WDR97: variants seen among roughly 807,000 people sequenced by gnomAD.
WDR97 encodes WD repeat domain 97.
In WDR97, 111 loss-of-function variants were observed where a neutral mutation model predicts 65.4. That is an observed-to-expected ratio of 1.70 (90% confidence interval 1.45 to 1.99). The LOEUF is 1.99. WDR97 is among the 30% of genes most tolerant of loss of function. The pLI, the probability that WDR97 is intolerant of heterozygous loss-of-function variation, is 0.00. For missense variants in WDR97, 1,674 were observed against 865.0 expected (o/e 1.94, Z -11.73); for synonymous variants, 802 against 397.7 (o/e 2.02, Z -12.10).
Position 144,114,557 on chromosome 8 carries a change from C to A in WDR97, c.3796C>A (p.Gln1266Lys). The change falls in exon 20 of 24, where the codon CAG becomes AAG. Residue 1266 changes from glutamine (Q) to lysine (K), a missense_variant. Coordinates refer to ENST00000323662, the MANE Select transcript of WDR97 (RefSeq NM_001316309.2). The stretch of plus-strand genomic sequence containing the variant: ...ACATCCCCACCGCCTGCCTCAGGAC[C>A]AGACACAGAAGAAGTTCGTGATACT... ...NLDQPPSLQD[Q>K]TQKKFVILAL... 1 of 702,910 alleles carries A rather than the reference C, an allele frequency of 1.4e-6. No individual in the cohort carries two copies. Among genetic ancestry groups the A allele is most frequent in the Non-Finnish European group, 2.6e-6 (1 of 385,024 alleles). The allele number at this position is 702,910 out of a possible 1,614,324, so 43.5% of individuals were successfully genotyped here.
rs558031486 is a variant in WDR97 at position 144,111,194 on chromosome 8, A to G, written c.2398A>G (p.Thr800Ala). 1.4e-6 allele frequency: 1 copy of G among 702,662 alleles called. No individual in the cohort carries two copies. Among genetic ancestry groups the G allele is most frequent in the South Asian group, 1.5e-5 (1 of 67,604 alleles). The allele number at this position is 702,662 out of a possible 1,614,324, so 43.5% of individuals were successfully genotyped here. The change falls in exon 10 of 24, where the codon ACC (threonine) becomes GCC (alanine). Residue 800 changes from threonine to alanine, a missense_variant. Transcript: ENST00000323662. The stretch of plus-strand genomic sequence containing the variant: ...GACTTCCGCCCAACTGCAGAGGCTC[A>G]CCAACCTCCATGGGGCAGCCAGCCT... Reference protein sequence around the residue: ...SLTSAQLQRLTNLHGAASLSE... With the variant: ...SLTSAQLQRLANLHGAASLSE...
Position 144,108,568 on chromosome 8 carries a change from G to A in WDR97, c.502G>A (p.Gly168Ser). The A allele has an allele frequency of 1.4e-6, 1 of 700,920 alleles. No individual in the cohort carries two copies. Among genetic ancestry groups the A allele is most frequent in the East Asian group, 2.7e-5 (1 of 37,258 alleles). 43.4% of individuals were successfully genotyped at this position (700,920 alleles called of 1,614,324 possible). A position where few individuals can be genotyped will look rare whatever the true frequency, so the allele number is the denominator to read the frequency against. ...GCTGGGTGCCGTGGGCCGTTTTGTA[G>A]GCTGGGGCCCCGCGGGGCTGGCAAT... ...GPLGAVGRFVGWGPAGLAILR... is the reference protein window; with the variant it reads ...GPLGAVGRFVSWGPAGLAILR... Residue 168 changes from glycine (G) to serine (S), a missense_variant, in exon 3 of 24, where the codon GGC becomes AGC. Physicochemically the swap from Gly to Ser is moderately conservative, Grantham distance 56. Coordinates refer to ENST00000323662, the MANE Select transcript of WDR97 (RefSeq NM_001316309.2).
In WDR97 at chr8:144,109,810, G is replaced by T; in HGVS notation, c.1476G>T (p.Leu492=). 1.5e-6 allele frequency: 1 copy of T among 679,148 alleles called. No homozygotes were observed. The highest frequency in any genetic ancestry group is 1.5e-5 in the South Asian group (1 of 64,696). The allele number at this position is 679,148 out of a possible 1,614,324, so 42.1% of individuals were successfully genotyped here. The change falls in exon 5 of 24, where the codon CTG becomes CTT. Residue 492 remains leucine, a synonymous_variant. Transcript: ENST00000323662. Reference sequence around the variant, plus strand: ...TGCCGCGCGAGGCGCTGTGGCTGCTGACCAGGGCTGGGCACCTGGTCCGCG... The same window carrying T: ...TGCCGCGCGAGGCGCTGTGGCTGCTTACCAGGGCTGGGCACCTGGTCCGCG... The part of the protein sequence containing the change: ...YCLPREALWL[L]TRAGHLVRAN...
chr8:144,112,803 G>T (rs555424633), intron 15 of WDR97: 1 of 541,704 alleles, frequency 1.8e-6, no homozygotes, highest in Non-Finnish European at 3.3e-6. Flanking sequence ...CCCCCCAGCC[G>T]GTTATGCCAC....
rs1280665607 is a variant in WDR97 at position 144,114,458 on chromosome 8, C to T, written c.3775C>T (p.Gln1259Ter). Residue 1259 changes from glutamine to a stop codon, truncating the protein, a stop_gained, in exon 19 of 24, where the codon CAG becomes TAG. Transcript: ENST00000323662. LOFTEE classifies it high-confidence loss of function. The stretch of plus-strand genomic sequence containing the variant: ...GCTCGTACACTTGCTCAACCTGGAC[C>T]AGCCCCCCAGCCTCCAGGTGTGCCC... ...GLLVHLLNLD[Q>*]PPSLQDQTQK... 1.4e-6 allele frequency: 1 copy of T among 702,644 alleles called. No individual in the cohort carries two copies. 43.5% of individuals were successfully genotyped at this position (702,644 alleles called of 1,614,324 possible).
Position 144,110,042 on chromosome 8 carries a change from C to T in WDR97, c.1700+8C>T. 1 of 695,784 alleles carries T rather than the reference C, an allele frequency of 1.4e-6. No individual in the cohort carries two copies. Among genetic ancestry groups the T allele is most frequent in the Non-Finnish European group, 2.6e-6 (1 of 380,248 alleles). The allele number at this position is 695,784 out of a possible 1,614,324, so 43.1% of individuals were successfully genotyped here. Reference sequence around the variant, plus strand: ...CTGGAAGAACAAGAACCGGTGGGTGCGGGAGCCGGCGAGGGTCTGGCGGGC... The same window carrying T: ...CTGGAAGAACAAGAACCGGTGGGTGTGGGAGCCGGCGAGGGTCTGGCGGGC... On this transcript the variant is annotated splice_region_variant and intron_variant, in intron 5 of 23. Coordinates refer to ENST00000323662, the MANE Select transcript of WDR97 (RefSeq NM_001316309.2).
Position 144,109,919 on chromosome 8 carries a change from C to A in WDR97, c.1585C>A (p.Leu529Met), listed in dbSNP as rs1171195789. The A allele has an allele frequency of 1.4e-6, 1 of 702,108 alleles. No homozygotes were observed. Among genetic ancestry groups the A allele is most frequent in the East Asian group, 2.7e-5 (1 of 37,258 alleles). The allele number at this position is 702,108 out of a possible 1,614,324, so 43.5% of individuals were successfully genotyped here. A position where few individuals can be genotyped will look rare whatever the true frequency, so the allele number is the denominator to read the frequency against. ...TGCGCCGCAGCCTTGCTGTCTGCACCTGTACAGCCACCTCACGGATCTCGA... is the reference window on the plus strand; with the variant it reads ...TGCGCCGCAGCCTTGCTGTCTGCACATGTACAGCCACCTCACGGATCTCGA... ...PPAPQPCCLH[L>M]YSHLTDLEGA... Residue 529 changes from leucine to methionine, a missense_variant, in exon 5 of 24, where the codon CTG (leucine) becomes ATG (methionine). Transcript: ENST00000323662.
In WDR97 at chr8:144,108,944, C is replaced by T. The variant is rs993881873; in HGVS notation, c.878C>T (p.Thr293Ile). 5.7e-6 allele frequency: 4 copies of T among 702,896 alleles called. No homozygotes were observed. Among genetic ancestry groups the T allele is most frequent in the Non-Finnish European group, 1.0e-5 (4 of 385,008 alleles). 43.5% of individuals were successfully genotyped at this position (702,896 alleles called of 1,614,324 possible). ...LVDVRRDLHK[T>I]TISDLAYCEE... ...GATGTGCGCCGGGATTTGCACAAAA[C>T]GTGAGGGGGATCCCCCTAGGGAGGG... The change falls in exon 3 of 24, where the codon ACC becomes ATC. Residue 293 changes from threonine (T) to isoleucine (I), a missense_variant and splice_region_variant. Transcript: ENST00000323662.
chr8:144,110,213 G>T lies in WDR97; in HGVS notation c.1800G>T (p.Pro600=). The change falls in exon 6 of 24, where the codon CCG becomes CCT. Residue 600 remains proline (P), a synonymous_variant. Coordinates refer to ENST00000323662, the MANE Select transcript of WDR97 (RefSeq NM_001316309.2). ...VFQTEAHSPG[P]VVAIASTWNS... is the part of the protein sequence containing the mutation. ...AAACGGAGGCGCACAGCCCGGGCCC[G>T]GTTGTCGCCATCGCATCCACCTGGA... The T allele has an allele frequency of 1.4e-6, 1 of 702,928 alleles. No individual in the cohort carries two copies. Among genetic ancestry groups the T allele is most frequent in the Admixed American group, 2.0e-5 (1 of 50,022 alleles). 43.5% of individuals were successfully genotyped at this position (702,928 alleles called of 1,614,324 possible).
rs1461415740 is a variant in WDR97, at chr8:144,113,962, C to T, written c.3409-15C>T. 4.3e-6 allele frequency: 3 copies of T among 700,262 alleles called. No homozygotes were observed. Among genetic ancestry groups the T allele is most frequent in the Non-Finnish European group, 7.8e-6 (3 of 383,318 alleles). The allele number at this position is 700,262 out of a possible 1,614,324, so 43.4% of individuals were successfully genotyped here. On this transcript the variant is annotated splice_polypyrimidine_tract_variant and intron_variant, in intron 17 of 23. Transcript: ENST00000323662. ...CCCAGACAGGTGGGACCTGCAGCCA[C>T]TGCTGCTCCCCTAGAGTGCTGTGGA...
In WDR97 at chr8:144,115,433, C is replaced by T. The variant is rs565423478; in HGVS notation, c.4170C>T (p.Phe1390=). ...SGTSWSASGI[F]GRLSQVSEVP... is the part of the protein sequence containing the mutation. ...CCTCCTGGTCGGCCTCCGGCATCTT[C>T]GGGAGGCTCTCGCAGGTCTCAGAGG... is the stretch of plus-strand genomic sequence containing the variant. Residue 1390 remains phenylalanine (F), a synonymous_variant, in exon 22 of 24, where the codon TTC becomes TTT. Transcript: ENST00000323662. The T allele has an allele frequency of 4.1e-5, 28 of 685,984 alleles. No homozygotes were observed. Among genetic ancestry groups the T allele is most frequent in the Non-Finnish European group, 7.2e-5 (27 of 373,762 alleles). The allele number at this position is 685,984 out of a possible 1,614,324, so 42.5% of individuals were successfully genotyped here. A position where few individuals can be genotyped will look rare whatever the true frequency, so the allele number is the denominator to read the frequency against.
Position 144,116,624 on chromosome 8 carries a change from G to A in WDR97, c.*331G>A, listed in dbSNP as rs1241620507. 1 of 236,380 alleles carries A rather than the reference G, an allele frequency of 4.2e-6. No individual in the cohort carries two copies. The highest frequency in any genetic ancestry group is 8.7e-5 in the East Asian group (1 of 11,514). 14.6% of individuals were successfully genotyped at this position (236,380 alleles called of 1,614,324 possible). On this transcript the variant is annotated 3_prime_UTR_variant, in exon 24 of 24. Transcript: ENST00000323662. Reference sequence around the variant, plus strand: ...TCAAGTACTAGGTGTTGAGATGCGGGCTGACCTTAGAGAACGTGTCCTGGG... The same window carrying A: ...TCAAGTACTAGGTGTTGAGATGCGGACTGACCTTAGAGAACGTGTCCTGGG...
At chr8:144,111,553 C>T (rs1213413906) in intron 11 of WDR97, 67 bp downstream of exon 11, 2 of 688,306 alleles carry the variant, frequency 2.9e-6, no homozygotes, top group African/African-American at 3.5e-5. Context: ...CTGGGGCAGG[C>T]CTGGGATCCC....
At chr8:144,107,935 C>T in intron 1 of WDR97, 73 bp downstream of exon 1, 1 of 702,030 alleles carries the variant, frequency 1.4e-6, no homozygotes, top group African/African-American at 1.7e-5. Context: ...GGTTCCGTCC[C>T]CTGGAACAAA....
intron 21 of WDR97, among the ~76,000 whole-genome samples, chr8:144,115,122 C>T (rs1836624821): frequency 6.7e-6 from 1 of 149,976 alleles, no homozygotes. Context: ...CCAGGGACAG[C>T]CCTGGGACCT....
At chr8:144,112,621 C>A in intron 15 of WDR97, 91 bp downstream of exon 15, 1 of 686,984 alleles carries the variant, frequency 1.5e-6, no homozygotes, top group South Asian at 1.5e-5. Flanking sequence ...ATCTTTGTGT[C>A]CAAATCTGAC....
At position 144,116,011 on chromosome 8, in the gene WDR97, G is replaced by A. The variant is rs977109671; in HGVS notation, c.4664G>A (p.Arg1555Lys). 5.7e-6 allele frequency: 4 copies of A among 700,106 alleles called. No homozygotes were observed. Among genetic ancestry groups the A allele is most frequent in the Admixed American group, 2.0e-5 (1 of 49,982 alleles). The allele number at this position is 700,106 out of a possible 1,614,324, so 43.4% of individuals were successfully genotyped here. Reference protein sequence around the residue: ...QRSARSAMRLRGPMRSRLCAG... With the variant: ...QRSARSAMRLKGPMRSRLCAG... The stretch of plus-strand genomic sequence containing the variant: ...TCCGCGAGGTCCGCGATGAGACTGA[G>A]GGGTGAGTGGAGCCAGGGGTGGAGA... Residue 1555 changes from arginine (R) to lysine (K), a missense_variant and splice_region_variant, in exon 23 of 24, where the codon AGG becomes AAG. Coordinates refer to ENST00000323662, the MANE Select transcript of WDR97 (RefSeq NM_001316309.2).
Position 144,116,237 on chromosome 8 carries a change from C to G in WDR97, c.4813C>G (p.Pro1605Ala). The G allele has an allele frequency of 1.5e-6, 1 of 680,482 alleles. No homozygotes were observed. The highest frequency in any genetic ancestry group is 1.8e-5 in the African/African-American group (1 of 56,406). 42.2% of individuals were successfully genotyped at this position (680,482 alleles called of 1,614,324 possible). Residue 1605 changes from proline (P) to alanine (A), a missense_variant, in exon 24 of 24, where the codon CCG (proline) becomes GCG (alanine). Pro to Ala is a conservative substitution (Grantham distance 27, BLOSUM62 -1). Transcript: ENST00000323662. ...PRPLPPRLLQ[P>A]ALQRYFLPAD... is the part of the protein sequence containing the mutation. The stretch of plus-strand genomic sequence containing the variant: ...CCCGCTGCCCCCGCGGCTCCTGCAG[C>G]CGGCCCTGCAGCGCTACTTTCTGCC...
rs762238094 is a variant in WDR97, at chr8:144,111,083, G to C, written c.2305-18G>C. On this transcript the variant is annotated intron_variant, in intron 9 of 23. Transcript: ENST00000323662. ...CAGGTTCCCCCAGCCAGGGATACAG[G>C]CTCCTTCCCCTATTCAGAAGATGTG... is the stretch of plus-strand genomic sequence containing the variant. The C allele has an allele frequency of 1.4e-6, 1 of 702,820 alleles. No homozygotes were observed. Among genetic ancestry groups the C allele is most frequent in the South Asian group, 1.5e-5 (1 of 67,606 alleles). The allele number at this position is 702,820 out of a possible 1,614,324, so 43.5% of individuals were successfully genotyped here. A position where few individuals can be genotyped will look rare whatever the true frequency, so the allele number is the denominator to read the frequency against.
Sources: allele counts gnomAD v4.1 joint callset (sites outside exome capture counted in the v4.1 genomes callset), GRCh38; gene constraint gnomAD v4.1.1; transcripts MANE v1.5; gene names NCBI Gene and HGNC (gene_info 2026-07-23, HGNC 2026-07-21).